Variants in CDC42 observed in about 807,000 individuals in gnomAD.
CDC42 encodes the protein cell division cycle 42.
Under a neutral mutation model 20.8 loss-of-function variants are expected in CDC42, and 1 was observed. That is an observed-to-expected ratio of 0.05 (90% CI 0.02 to 0.23). The LOEUF (loss-of-function observed/expected upper bound fraction) is 0.23, where lower values mean the gene tolerates loss of function less well. Among genes scored for constraint, CDC42 ranks in the 10% least tolerant of loss-of-function variants. CDC42 has a pLI of 1.00. For missense variants in CDC42, 49 were observed against 227.9 expected, an observed-to-expected ratio of 0.21 and a Z score of 5.05; for synonymous variants, 72 against 84.8, an observed-to-expected ratio of 0.85 and a Z score of 0.83.
At chr1:22,086,939 T>C (rs1469897719) in intron 5 of CDC42, 73 bp downstream of exon 5, 12 of 1,243,146 alleles carry the variant, frequency 9.7e-6, no homozygotes, top group South Asian at 2.4e-5. Flanking sequence ...ACAGGAGTTA[T>C]TTCTAACAGT....
At chr1:22,076,775 G>A (rs997377763) in intron 1 of CDC42, among the ~76,000 whole-genome samples, 1 of 152,086 alleles carries the variant, frequency 6.6e-6, no homozygotes, top group African/African-American at 2.4e-5. Context: ...GTATTAGTTA[G>A]TATGGGTGCT....
At position 22,098,456 on chromosome 1, in the gene CDC42, G is replaced by C. The variant is rs1219058969; in HGVS notation, c.*6939G>C. 2.6e-5 allele frequency among the ~76,000 whole-genome samples: 4 copies of C among 152,164 alleles called. No individual in the cohort carries two copies. The highest frequency in any genetic ancestry group is 4.8e-5 in the African/African-American group (2 of 41,432). The stretch of plus-strand genomic sequence containing the variant: ...TTTGTTGAGCTATGTTTAGGGACCA[G>C]TGCACACCTTGGTGATAGAACCTTT... On this transcript the variant is annotated 3_prime_UTR_variant, in exon 6 of 6. Coordinates refer to ENST00000656825, the MANE Select transcript of CDC42 (RefSeq NM_001791.4).
At chr1:22,074,796 G>T (rs1645531029) in intron 1 of CDC42, among the ~76,000 whole-genome samples, 1 of 152,150 alleles carries the variant, frequency 6.6e-6, no homozygotes, top group Non-Finnish European at 1.5e-5. Context: ...TGGGCAGTGT[G>T]CTTCATTCCA....
chr1:22,071,681 T>C (rs1033038911), intron 1 of CDC42, among the ~76,000 whole-genome samples: 1 of 152,216 alleles, frequency 6.6e-6, no homozygotes, highest in African/African-American at 2.4e-5. Flanking sequence ...ACCAGACTAG[T>C]CCTTCTGTTG....
At chr1:22,076,783 GCTT>G (rs1645555672) in intron 1 of CDC42, among the ~76,000 whole-genome samples, 1 of 152,030 alleles carries the variant, frequency 6.6e-6, no homozygotes, top group Admixed American at 6.6e-5. Flanking sequence ...TAGTATGGGT[GCTT>G]CTTAGTGCAT....
Position 22,093,114 on chromosome 1 carries a change from T to C in CDC42, c.*1597T>C, listed in dbSNP as rs1347977609. On this transcript the variant is annotated 3_prime_UTR_variant, in exon 6 of 6. Coordinates refer to ENST00000656825, the MANE Select transcript of CDC42 (RefSeq NM_001791.4). The stretch of plus-strand genomic sequence containing the variant: ...TAGTTTGAGATAATATTTAGCCCTC[T>C]ATATGTTCAGGTTTGTGCTTTCTCC... Among the ~76,000 whole-genome samples the C allele has an allele frequency of 6.6e-6, 1 of 152,262 alleles. No homozygotes were observed. The highest frequency in any genetic ancestry group is 1.5e-5 in the Non-Finnish European group (1 of 68,044).
At chr1:22,078,747 C>G in intron 2 of CDC42, 164 bp downstream of exon 2, 1 of 1,498,486 alleles carries the variant, frequency 6.7e-7, no homozygotes, top group African/African-American at 1.4e-5. Context: ...CTTTAAACAG[C>G]TGAAAAATCA....
chr1:22,075,258 A>G (rs781332345), intron 1 of CDC42, among the ~76,000 whole-genome samples: 4 of 152,204 alleles, frequency 2.6e-5, no homozygotes, highest in Non-Finnish European at 5.9e-5. Flanking sequence ...ATACATGCCA[A>G]ATGCTTTGCA....
rs551793516 is a variant in CDC42, at chr1:22,084,080, G to T, written c.178+2286G>T. 3.3e-5 allele frequency among the ~76,000 whole-genome samples: 5 copies of T among 152,216 alleles called. No individual in the cohort carries two copies. The South Asian group carries it at 1.0e-3, about 32-fold the overall frequency. ...TGTTTGGGTTCCAGTTTTAATACTG[G>T]TGCTATGAATTGCTTCCACGTTTTA... On this transcript the variant is annotated intron_variant, in intron 3 of 5. Coordinates refer to ENST00000656825, the MANE Select transcript of CDC42 (RefSeq NM_001791.4).
rs1454759287 is a variant in CDC42, at chr1:22,052,744, T to G, written c.-51+2T>G. ...CAACGCCCCGGTGGAGAAGCTGAGG[T>G]GAGTGCGGGGCCCGAGGTTCCCCGC... On this transcript the variant is annotated splice_donor_variant, in intron 1 of 5. Transcript: ENST00000656825. LOFTEE classifies it low-confidence loss of function (5UTR_SPLICE). 1 of 152,800 alleles carries G rather than the reference T, an allele frequency of 6.5e-6. No homozygotes were observed. Among genetic ancestry groups the G allele is most frequent in the Non-Finnish European group, 1.5e-5 (1 of 68,180 alleles). 9.5% of individuals were successfully genotyped at this position (152,800 alleles called of 1,614,324 possible). A position where few individuals can be genotyped will look rare whatever the true frequency, so the allele number is the denominator to read the frequency against.
At chr1:22,064,537 T>G (rs1165759344) in intron 1 of CDC42, among the ~76,000 whole-genome samples, 1 of 152,166 alleles carries the variant, frequency 6.6e-6, no homozygotes, top group East Asian at 1.9e-4. Context: ...AAGATCTGCC[T>G]GCCTCGGCCT....
rs1050742382 is a variant in CDC42 at position 22,094,221 on chromosome 1, A to T, written c.*2704A>T. On this transcript the variant is annotated 3_prime_UTR_variant, in exon 6 of 6. Transcript: ENST00000656825. ...CCTTACAGGCTTAGTTTGTGTCAGAATTTATAGTATTTAATACGATGTTAA... is the reference window on the plus strand; with the variant it reads ...CCTTACAGGCTTAGTTTGTGTCAGATTTTATAGTATTTAATACGATGTTAA... Among the ~76,000 whole-genome samples the T allele has an allele frequency of 6.6e-6, 1 of 151,480 alleles. No homozygotes were observed. The highest frequency in any genetic ancestry group is 2.4e-5 in the African/African-American group (1 of 41,230).
intron 1 of CDC42, among the ~76,000 whole-genome samples, chr1:22,066,984 A>C (rs376561013): frequency 2.6e-5 from 4 of 152,082 alleles, no homozygotes; most frequent in East Asian, 3.8e-4. Context: ...AATCGCTTGA[A>C]CCTGGGAGGC....
intron 3 of CDC42, among the ~76,000 whole-genome samples, chr1:22,082,719 GGA>G (rs1205814407): frequency 2.0e-5 from 3 of 152,086 alleles, no homozygotes; most frequent in Non-Finnish European, 4.4e-5. Context: ...AACGTGAAAT[GGA>G]GAGACAGTAA....
chr1:22,089,915 A>C (rs1645698910), intron 5 of CDC42: 1 of 1,609,232 alleles, frequency 6.2e-7, no homozygotes, highest in African/African-American at 1.3e-5. Context: ...CCTGGCTGCT[A>C]TTCTCTCTCC....
intron 2 of CDC42, among the ~76,000 whole-genome samples, chr1:22,081,484 G>A (rs777958063): frequency 1.2e-4 from 18 of 152,162 alleles, no homozygotes; most frequent in Non-Finnish European, 1.8e-4. Context: ...ACCTTCTCTG[G>A]CTCTTTATCC....
intron 1 of CDC42, among the ~76,000 whole-genome samples, chr1:22,066,339 T>C (rs988467396): frequency 6.6e-6 from 1 of 151,868 alleles, no homozygotes; most frequent in Non-Finnish European, 1.5e-5. Context: ...TGCGCCACTG[T>C]GCTGCAGCTT....
At chr1:22,071,194 C>T (rs905433531) in intron 1 of CDC42, among the ~76,000 whole-genome samples, 5 of 151,900 alleles carry the variant, frequency 3.3e-5, no homozygotes, top group African/African-American at 1.2e-4. Flanking sequence ...CAGGCGCCTG[C>T]CACCACGCCC....
chr1:22,054,910 TATATATA>T (rs1645281766), intron 1 of CDC42, among the ~76,000 whole-genome samples: 2 of 17,528 alleles, frequency 1.1e-4, no homozygotes, highest in East Asian at 3.5e-3. Flanking sequence ...TATATATATA[TATATATA>T]TATATTTTTT....
Sources: gnomAD v4.1 joint callset for allele counts (sites outside exome capture counted in the v4.1 genomes callset) on GRCh38, gnomAD v4.1.1 for gene constraint, MANE v1.5 for transcripts, NCBI Gene and HGNC (gene_info 2026-07-23, HGNC 2026-07-21) for gene names.